Variants in KICS2 observed in about 807,000 individuals in gnomAD.
KICS2 encodes KICSTOR complex protein C12orf66.
KICS2 carries 13 observed loss-of-function variants against 31.4 expected under a neutral mutation model. The observed-to-expected ratio is 0.41, with a 90% CI of 0.27 to 0.66. The LOEUF (loss-of-function observed/expected upper bound fraction) is 0.66, where lower values mean the gene tolerates loss of function less well. Ranked by LOEUF, KICS2 falls within the 30% of genes least tolerant of loss-of-function variation. KICS2 has a pLI of 0.28. For missense variants in KICS2, 455 were observed against 545.4 expected, an observed-to-expected ratio of 0.83 and a Z score of 1.65; for synonymous variants, 209 against 214.8, an observed-to-expected ratio of 0.97 and a Z score of 0.24.
At chr12:64,215,203 T>A (rs1484760512) in intron 2 of KICS2, among the ~76,000 whole-genome samples, 2 of 150,254 alleles carry the variant, frequency 1.3e-5, no homozygotes, top group African/African-American at 4.9e-5. Flanking sequence ...TCCCAGCTAC[T>A]CAGGAGGCTG....
intron 1 of KICS2, among the ~76,000 whole-genome samples, chr12:64,217,106 G>T (rs780881023): frequency 6.6e-6 from 1 of 152,014 alleles, no homozygotes; most frequent in African/African-American, 2.4e-5. Flanking sequence ...TTCATTGCTC[G>T]GTTTATGTTT....
Position 64,193,535 on chromosome 12 carries a change from G to GAA in KICS2, c.*305_*306dup. 3 of 1,033,428 alleles carry GAA rather than the reference G, an allele frequency of 2.9e-6. No individual in the cohort carries two copies. The highest frequency in any genetic ancestry group is 1.7e-5 in the African/African-American group (1 of 58,348). The allele number at this position is 1,033,428 out of a possible 1,614,324, so 64.0% of individuals were successfully genotyped here. On this transcript the variant is annotated 3_prime_UTR_variant, in exon 3 of 3. Transcript: ENST00000398055. ...TTTAGAACAACAGAAAAACATATGG[G>GAA]AAAAAAAAAAGCCCAATAAATATTC... is the stretch of plus-strand genomic sequence containing the variant.
chr12:64,215,616 CTG>C, intron 2 of KICS2, 60 bp downstream of exon 2: 1 of 1,418,670 alleles, frequency 7.0e-7, no homozygotes, highest in Non-Finnish European at 9.6e-7. Flanking sequence ...GAGAAAAACT[CTG>C]AGCTTGTGTG....
chr12:64,214,065 C>T (rs2037606102), intron 2 of KICS2, among the ~76,000 whole-genome samples: 1 of 152,240 alleles, frequency 6.6e-6, no homozygotes, highest in African/African-American at 2.4e-5. Flanking sequence ...TCCCATTGCA[C>T]ACACAGTGCC....
In KICS2 at chr12:64,221,958, C is replaced by T. The variant is rs199551454; in HGVS notation, c.235+45G>A. 4.9e-4 allele frequency: 779 copies of T among 1,575,010 alleles called. 2 individuals carry two copies. The African/African-American group carries it at 9.3e-3, about 19-fold the overall frequency. On this transcript the variant is annotated intron_variant, in intron 1 of 2. Transcript: ENST00000398055. ...CCACTGCCGACTGGGGAATATACCC[C>T]CTTTACTTCCTCCTCAAGGGGCTCG...
At position 64,215,583 on chromosome 12, in the gene KICS2, TCA is replaced by T. The variant is rs373119645; in HGVS notation, c.521+93_521+94del. 579 of 1,081,100 alleles carry T rather than the reference TCA, an allele frequency of 5.4e-4. 1 individual carries two copies. The African/African-American group carries it at 8.2e-3, about 15-fold the overall frequency. 67.0% of individuals were successfully genotyped at this position (1,081,100 alleles called of 1,614,324 possible). ...AGTTATTTATTTCACAGTTATTTCA[TCA>T]CAGATTTTCATAAGAGTGTGGAGAA... On this transcript the variant is annotated intron_variant, in intron 2 of 2. Transcript: ENST00000398055.
intron 2 of KICS2, among the ~76,000 whole-genome samples, chr12:64,201,844 T>TCAAACAAA (rs55811122): frequency 2.5e-4 from 38 of 150,632 alleles, no homozygotes; most frequent in South Asian, 1.0e-3. Flanking sequence ...CAAGACTGTC[T>TCAAACAAA]CAAACAAACA....
At chr12:64,215,635 A>G (rs1314249965) in intron 2 of KICS2, 43 bp downstream of exon 2, 1 of 1,543,316 alleles carries the variant, frequency 6.5e-7, no homozygotes, top group Non-Finnish European at 8.8e-7. Context: ...TGTGGGATTG[A>G]TAGGACAGCC....
intron 1 of KICS2, among the ~76,000 whole-genome samples, chr12:64,219,467 CCT>C (rs2037659179): frequency 6.6e-6 from 1 of 152,132 alleles, no homozygotes; most frequent in Non-Finnish European, 1.5e-5. Flanking sequence ...AAGAAAGCTC[CCT>C]GTCAAGGTCT....
intron 2 of KICS2, among the ~76,000 whole-genome samples, chr12:64,201,206 G>C (rs1295880333): frequency 6.8e-6 from 1 of 146,850 alleles, no homozygotes. Flanking sequence ...GAACCAACCC[G>C]AATGTCCAAC....
downstream of KICS2, among the ~76,000 whole-genome samples, chr12:64,187,975 C>CT (rs2037351944): frequency 6.6e-6 from 1 of 152,174 alleles, no homozygotes. Context: ...GGCCAAAGGC[C>CT]TTGTGTGTTC....
chr12:64,208,654 T>A (rs1210586731), intron 2 of KICS2, among the ~76,000 whole-genome samples: 1 of 152,222 alleles, frequency 6.6e-6, no homozygotes, highest in Non-Finnish European at 1.5e-5. Flanking sequence ...CTGCCTTTCG[T>A]GAGAAATTTG....
At chr12:64,209,259 AT>A (rs2037564241) in intron 2 of KICS2, among the ~76,000 whole-genome samples, 1 of 152,104 alleles carries the variant, frequency 6.6e-6, no homozygotes, top group Admixed American at 6.6e-5. Flanking sequence ...AATGACTGTG[AT>A]TCCTAAACAA....
In KICS2 at chr12:64,194,436, G is replaced by A. The variant is rs1370389798; in HGVS notation, c.744C>T (p.Ala248=). 8.7e-6 allele frequency: 14 copies of A among 1,614,168 alleles called. No homozygotes were observed. The highest frequency in any genetic ancestry group is 3.3e-5 in the Admixed American group (2 of 60,010). ...KHLFGGQSQK[A]VQPPHLFLWL... is the part of the protein sequence containing the mutation. Reference sequence around the variant, plus strand: ...AAAGGAAAAGGTGTGGAGGCTGCACGGCCTTCTGAGACTGCCCTCCAAACA... The same window carrying A: ...AAAGGAAAAGGTGTGGAGGCTGCACAGCCTTCTGAGACTGCCCTCCAAACA... Residue 248 remains alanine (A), a synonymous_variant, in exon 3 of 3, where the codon GCC becomes GCT. Coordinates refer to ENST00000398055, the MANE Select transcript of KICS2 (RefSeq NM_152440.5).
rs557923933 is a variant in KICS2, at chr12:64,211,563, G to T, written c.521+4115C>A. On this transcript the variant is annotated intron_variant, in intron 2 of 2. Coordinates refer to ENST00000398055, the MANE Select transcript of KICS2 (RefSeq NM_152440.5). ...GAACCCCAGAGGCGGAAGTTGCGGT[G>T]AGCCAAGATCACGCCACTGCACTCC... Among the ~76,000 whole-genome samples, 10 of 152,230 alleles carry T rather than the reference G, an allele frequency of 6.6e-5. No individual in the cohort carries two copies. The South Asian group carries it at 1.9e-3, about 28-fold the overall frequency.
At chr12:64,202,580 A>G (rs1002497746) in intron 2 of KICS2, among the ~76,000 whole-genome samples, 2 of 150,236 alleles carry the variant, frequency 1.3e-5, no homozygotes, top group Non-Finnish European at 3.0e-5. Flanking sequence ...GGAGGCAGCT[A>G]TTACTTCCGC....
chr12:64,221,111 G>C (rs1252844249), intron 1 of KICS2, among the ~76,000 whole-genome samples: 1 of 84,148 alleles, frequency 1.2e-5, no homozygotes, highest in South Asian at 3.9e-4. Flanking sequence ...TTAGGGAACG[G>C]GGGGGGGTGG....
intron 1 of KICS2, among the ~76,000 whole-genome samples, chr12:64,217,704 G>A (rs2037641930): frequency 6.6e-6 from 1 of 152,122 alleles, no homozygotes; most frequent in Non-Finnish European, 1.5e-5. Flanking sequence ...GGGAGGCTGA[G>A]GTAGGAGAAT....
intron 1 of KICS2, among the ~76,000 whole-genome samples, chr12:64,217,664 G>A (rs1420686733): frequency 6.6e-6 from 1 of 152,098 alleles, no homozygotes; most frequent in Non-Finnish European, 1.5e-5. Flanking sequence ...AGCCAGGCAT[G>A]GTGGTGGGTG....
Sources: allele counts gnomAD v4.1 joint callset (sites outside exome capture counted in the v4.1 genomes callset), GRCh38; gene constraint gnomAD v4.1.1; transcripts MANE v1.5; gene names NCBI Gene and HGNC (gene_info 2026-07-23, HGNC 2026-07-21).